Variants in KCNG2 observed in about 807,000 individuals in gnomAD.
KCNG2 encodes voltage-gated potassium channel regulatory subunit KCNG2.
KCNG2 carries 7 observed loss-of-function variants against 12.3 expected under a neutral mutation model. The ratio of observed to expected loss-of-function variants is 0.57; its 90% CI spans 0.32 to 1.07. KCNG2 has a LOEUF of 1.07. Ranked by LOEUF, KCNG2 falls within the 50% of genes least tolerant of loss-of-function variation. KCNG2 has a pLI of 0.04. For synonymous variants in KCNG2, 414 were observed against 351.4 expected (o/e 1.18, Z -1.99); for missense variants, 703 against 726.0 (o/e 0.97, Z 0.36).
intron 1 of KCNG2, among the ~76,000 whole-genome samples, chr18:79,828,690 C>T (rs1340978027): frequency 7.1e-6 from 1 of 140,098 alleles, no homozygotes; most frequent in Non-Finnish European, 1.5e-5. Context: ...TGCGTGTGTC[C>T]GTCTACAGGA....
At chr18:79,893,185 G>A (rs529156556) in intron 3 of KCNG2, among the ~76,000 whole-genome samples, 94 of 152,116 alleles carry the variant, frequency 6.2e-4, no homozygotes, top group African/African-American at 1.9e-3. Context: ...CTCCGTGTCC[G>A]CTTTTGATTG....
intron 3 of KCNG2, among the ~76,000 whole-genome samples, chr18:79,888,701 T>G (rs905757913): frequency 3.3e-5 from 5 of 150,054 alleles, no homozygotes; most frequent in African/African-American, 1.2e-4. Context: ...TTTGCCCAAT[T>G]TTTTTTTTTT....
chr18:79,818,911 G>T (rs967560605), intron 1 of KCNG2, among the ~76,000 whole-genome samples: 3 of 152,200 alleles, frequency 2.0e-5, no homozygotes, highest in South Asian at 2.1e-4. Flanking sequence ...GTCTGGCCGA[G>T]CACTGAGCTC....
At chr18:79,878,079 G>A (rs67749077) in intron 3 of KCNG2, among the ~76,000 whole-genome samples, 26,546 of 152,346 alleles carry the variant, frequency 0.17, 2,538 homozygotes, top group East Asian at 0.36. Flanking sequence ...GAGCGTGCCA[G>A]GAAATGTGTA....
At chr18:79,872,923 G>A (rs62103197) in intron 3 of KCNG2, among the ~76,000 whole-genome samples, 14,706 of 152,264 alleles carry the variant, frequency 0.097, 907 homozygotes, top group Middle Eastern at 0.16. Flanking sequence ...TGTGGCGGCC[G>A]TGGGGAGGGT....
intron 1 of KCNG2, among the ~76,000 whole-genome samples, chr18:79,849,568 C>G (rs780796774): frequency 1.1e-4 from 17 of 152,248 alleles, no homozygotes; most frequent in Non-Finnish European, 2.5e-4. Context: ...CTGTCCTGGC[C>G]GCGGGTTACA....
chr18:79,797,969 C>T lies in KCNG2; in HGVS notation c.-160C>T, dbSNP rs2087374992. Among the ~76,000 whole-genome samples, 1 of 151,458 alleles carries T rather than the reference C, an allele frequency of 6.6e-6. No homozygotes were observed. The highest frequency in any genetic ancestry group is 6.6e-5 in the Admixed American group (1 of 15,228). On this transcript the variant is annotated 5_prime_UTR_variant, in exon 1 of 4. Transcript: ENST00000316249. ...GCCGCGCTCCGCCCCGAGGAGGCCG[C>T]CGGCCGGGTAAGCGGAGCCCGGAGC...
At chr18:79,849,304 C>T (rs1421366078) in intron 1 of KCNG2, among the ~76,000 whole-genome samples, 1 of 152,208 alleles carries the variant, frequency 6.6e-6, no homozygotes, top group Non-Finnish European at 1.5e-5. Flanking sequence ...TAGGCGCAGG[C>T]GACGTCCCGG....
chr18:79,807,438 C>G (rs2087458244), intron 1 of KCNG2, among the ~76,000 whole-genome samples: 1 of 152,192 alleles, frequency 6.6e-6, no homozygotes, highest in Non-Finnish European at 1.5e-5. Flanking sequence ...GAGAAGCAAG[C>G]GCTCAGTGAC....
chr18:79,898,966 G>T (rs968557928), intron 3 of KCNG2, 74 bp from the exon 4 acceptor site: 13 of 1,193,216 alleles, frequency 1.1e-5, no homozygotes, highest in African/African-American at 3.2e-5. Flanking sequence ...TCTGGTCCTG[G>T]GAAAGGAAGG....
At chr18:79,850,027 C>T (rs1978763910) in intron 1 of KCNG2, among the ~76,000 whole-genome samples, 1 of 152,184 alleles carries the variant, frequency 6.6e-6, no homozygotes, top group African/African-American at 2.4e-5. Flanking sequence ...TGTGAAAACC[C>T]GCCGGGGTCG....
At chr18:79,840,670 C>A (rs1360318192) in intron 1 of KCNG2, among the ~76,000 whole-genome samples, 1 of 152,036 alleles carries the variant, frequency 6.6e-6, no homozygotes, top group Admixed American at 6.6e-5. Context: ...GGGGAAAATC[C>A]ATCCACCTGA....
chr18:79,860,399 A>G (rs1234136982), intron 2 of KCNG2, among the ~76,000 whole-genome samples: 1 of 152,232 alleles, frequency 6.6e-6, no homozygotes, highest in East Asian at 1.9e-4. Flanking sequence ...AAGTCTTCCA[A>G]TACATGAGCA....
At chr18:79,855,649 C>T (rs1208845331) in intron 1 of KCNG2, among the ~76,000 whole-genome samples, 1 of 151,982 alleles carries the variant, frequency 6.6e-6, no homozygotes, top group Non-Finnish European at 1.5e-5. Context: ...CCTTCTGGTA[C>T]TGGCTGGTGG....
In KCNG2 at chr18:79,803,895, C is replaced by T. The variant is rs567152750; in HGVS notation, c.-115+5881C>T. On this transcript the variant is annotated intron_variant, in intron 1 of 3. Transcript: ENST00000316249. The surrounding 1 kb of genome is among the most constrained non-coding windows in gnomAD (Gnocchi z 4.5). ...GTGTTGGTTTCTCCGGGGTTGGTGC[C>T]GGTGGATCAGAATCTTAGGCCTGGC... Among the ~76,000 whole-genome samples the T allele has an allele frequency of 3.3e-4, 51 of 152,312 alleles. No individual in the cohort carries two copies. Among genetic ancestry groups the T allele is most frequent in the African/African-American group, 1.1e-3 (47 of 41,566 alleles).
Position 79,884,742 on chromosome 18 carries a change from C to T in KCNG2, c.625-14298C>T, listed in dbSNP as rs7235615. Among the ~76,000 whole-genome samples the T allele has an allele frequency of 0.47, 71,899 of 152,152 alleles. 19,341 individuals are homozygous for T. Among genetic ancestry groups the T allele is most frequent in the Non-Finnish European group, 0.6 (40,861 of 67,984 alleles). On this transcript the variant is annotated intron_variant, in intron 3 of 3. Coordinates refer to ENST00000316249, the MANE Select transcript of KCNG2 (RefSeq NM_012283.2). The surrounding 1 kb of genome is among the most constrained non-coding windows in gnomAD (Gnocchi z 5.5). ...ATGGGGAGCCACGGGGGCAGGGGTC[C>T]GCCCGGCTCTGTGTTCCTCGGGGGG...
rs187423565 is a variant in KCNG2, at chr18:79,896,335, C to T, written c.625-2705C>T. 2.6e-5 allele frequency among the ~76,000 whole-genome samples: 4 copies of T among 151,990 alleles called. No homozygotes were observed. In the East Asian group the frequency reaches 7.7e-4, roughly 29 times the overall value. ...TTAGTGGTTGCTCTGGAGTTTACCA[C>T]AAATAATCAGAACCTACTTCAGGTT... On this transcript the variant is annotated intron_variant, in intron 3 of 3. Coordinates refer to ENST00000316249, the MANE Select transcript of KCNG2 (RefSeq NM_012283.2).
At chr18:79,851,027 A>G (rs777140787) in intron 1 of KCNG2, among the ~76,000 whole-genome samples, 40 of 152,312 alleles carry the variant, frequency 2.6e-4, no homozygotes, top group Admixed American at 1.1e-3. Context: ...CTTGTGCAAG[A>G]AAGAATTCAG....
In KCNG2 at chr18:79,879,865, C is replaced by T. The variant is rs141663751; in HGVS notation, c.624+15574C>T. ...AGCTTCCATGGTGAGAGGGAAGAAACGAGGTCCCACCAAAGGCAGGACAGG... is the reference window on the plus strand; with the variant it reads ...AGCTTCCATGGTGAGAGGGAAGAAATGAGGTCCCACCAAAGGCAGGACAGG... On this transcript the variant is annotated intron_variant, in intron 3 of 3. Coordinates refer to ENST00000316249, the MANE Select transcript of KCNG2 (RefSeq NM_012283.2). Among the ~76,000 whole-genome samples the T allele has an allele frequency of 3.8e-3, 573 of 152,214 alleles. 2 individuals carry two copies. The highest frequency in any genetic ancestry group is 6.5e-3 in the African/African-American group (269 of 41,518).
Sources: gnomAD v4.1 joint callset for allele counts (sites outside exome capture counted in the v4.1 genomes callset) on GRCh38, gnomAD v4.1.1 for gene constraint, Gnocchi (gnomAD v3.1) non-coding constraint, MANE v1.5 for transcripts, NCBI Gene and HGNC (gene_info 2026-07-23, HGNC 2026-07-21) for gene names.